The following HDAC9 variants were observed in gnomAD, a reference collection of about 807,000 sequenced individuals.
The protein encoded by HDAC9 is histone deacetylase 9, also known as MEF-2 interacting transcription repressor (MITR) protein.
In HDAC9, 41 loss-of-function variants were observed where a neutral mutation model predicts 139.4. That is an observed-to-expected ratio of 0.29 (90% CI 0.23 to 0.38). The LOEUF (loss-of-function observed/expected upper bound fraction) is 0.38. HDAC9 is among the 10% of genes least tolerant of loss of function. The pLI is 1.00. For synonymous variants in HDAC9, 517 were observed against 476.2 expected, an observed-to-expected ratio of 1.09 and a Z score of -1.12; for missense variants, 1,147 against 1,297.0, an observed-to-expected ratio of 0.88 and a Z score of 1.78.
chr7:18,589,976 C>G (rs531636832), intron 3 of HDAC9, among the ~76,000 whole-genome samples: 1 of 152,060 alleles, frequency 6.6e-6, no homozygotes, highest in South Asian at 2.1e-4. Flanking sequence ...ATGTGAGGGA[C>G]TTTGTAAAAT....
At chr7:18,732,139 T>G (rs1225563475) in intron 13 of HDAC9, among the ~76,000 whole-genome samples, 2 of 152,162 alleles carry the variant, frequency 1.3e-5, no homozygotes, top group South Asian at 4.1e-4. Flanking sequence ...GGATTACAGG[T>G]GTGAGCTACT....
At chr7:18,889,831 A>G (rs1412316481) in intron 22 of HDAC9, among the ~76,000 whole-genome samples, 1 of 152,152 alleles carries the variant, frequency 6.6e-6, no homozygotes, top group Non-Finnish European at 1.5e-5. Flanking sequence ...CTACATAGCT[A>G]GCACTACCGG....
chr7:18,491,020 A>G (rs1457891140), upstream of HDAC9, among the ~76,000 whole-genome samples: 3 of 152,100 alleles, frequency 2.0e-5, no homozygotes, highest in Non-Finnish European at 1.5e-5. Context: ...GCTTGATTAC[A>G]GATGAACTGA....
In HDAC9 at chr7:18,191,076, T is replaced by C. The variant is rs1790322291; in HGVS notation, c.25+28727T>C. 2.0e-5 allele frequency among the ~76,000 whole-genome samples: 3 copies of C among 152,312 alleles called. No individual in the cohort carries two copies. The South Asian group carries it at 6.2e-4, about 32-fold the overall frequency. ...ATCACCACCCCCAGTGGAAAATTCA[T>C]GTGTAACTTTTTGACTCCCTGAGAA... is the stretch of plus-strand genomic sequence containing the variant. On this transcript the variant is annotated intron_variant, in intron 2 of 12. Transcript: ENST00000417496.
intron 14 of HDAC9, among the ~76,000 whole-genome samples, chr7:18,757,209 T>C (rs1186893155): frequency 6.6e-6 from 1 of 152,184 alleles, no homozygotes; most frequent in Non-Finnish European, 1.5e-5. Flanking sequence ...TCTTCATTTT[T>C]TTAACCTTTG....
intron 1 of HDAC9, among the ~76,000 whole-genome samples, chr7:18,451,481 G>C (rs902631684): frequency 2.6e-5 from 4 of 151,190 alleles, no homozygotes; most frequent in African/African-American, 9.7e-5. Context: ...ATATAGGTGA[G>C]TATATTGGAT....
intron 2 of HDAC9, among the ~76,000 whole-genome samples, chr7:18,244,319 A>G (rs1022533289): frequency 1.3e-5 from 2 of 152,340 alleles, no homozygotes; most frequent in African/African-American, 4.8e-5. Flanking sequence ...TGGCAGCTGA[A>G]ATGAAGTGGT....
intron 2 of HDAC9, among the ~76,000 whole-genome samples, chr7:18,269,688 C>T (rs1796228075): frequency 6.6e-6 from 1 of 152,044 alleles, no homozygotes; most frequent in Non-Finnish European, 1.5e-5. Flanking sequence ...TGCCACTGCA[C>T]TTTAGCCTGG....
intron 2 of HDAC9, among the ~76,000 whole-genome samples, chr7:18,217,581 G>C (rs1562759602): frequency 6.6e-6 from 1 of 152,076 alleles, no homozygotes; most frequent in Non-Finnish European, 1.5e-5. Flanking sequence ...ATATGGAGTT[G>C]AACCAACTAA....
At chr7:18,456,736 T>C (rs1264564458) in intron 1 of HDAC9, among the ~76,000 whole-genome samples, 1 of 152,206 alleles carries the variant, frequency 6.6e-6, no homozygotes, top group Non-Finnish European at 1.5e-5. Flanking sequence ...ATAACAATCC[T>C]TACTGTGTAC....
chr7:18,266,648 G>GT lies in HDAC9; in HGVS notation c.25+104305dup, dbSNP rs543447111. Among the ~76,000 whole-genome samples the GT allele has an allele frequency of 2.8e-3, 424 of 152,176 alleles. 2 individuals are homozygous for GT. Among genetic ancestry groups the GT allele is most frequent in the African/African-American group, 9.4e-3 (391 of 41,536 alleles). On this transcript the variant is annotated intron_variant, in intron 2 of 12. Coordinates refer to the HDAC9 transcript ENST00000417496. ...TTAGTAAATAAAATATATGTTGTAG[G>GT]TTTTTTCCTAAAGGTGGGGGTACAG... is the stretch of plus-strand genomic sequence containing the variant.
At chr7:18,494,420 T>G (rs1168161202), upstream of HDAC9, among the ~76,000 whole-genome samples, 1 of 152,050 alleles carries the variant, frequency 6.6e-6, no homozygotes, top group African/African-American at 2.4e-5. Context: ...TTTGAAATAA[T>G]CTGCTTTTTC....
intron 2 of HDAC9, among the ~76,000 whole-genome samples, chr7:18,241,259 G>A (rs916447625): frequency 6.6e-6 from 1 of 152,118 alleles, no homozygotes; most frequent in Admixed American, 6.6e-5. Context: ...AATTCATAAA[G>A]CCTATCTTTT....
chr7:18,970,414 C>G (rs1433601141), intron 24 of HDAC9, among the ~76,000 whole-genome samples: 3 of 152,104 alleles, frequency 2.0e-5, no homozygotes, highest in African/African-American at 4.8e-5. Context: ...TTGAATAGGA[C>G]TATTTTATAG....
intron 1 of HDAC9, among the ~76,000 whole-genome samples, chr7:18,436,215 T>C (rs1019108522): frequency 6.6e-6 from 1 of 152,210 alleles, no homozygotes; most frequent in African/African-American, 2.4e-5. Flanking sequence ...TGATTACTGC[T>C]GAAATCTTAA....
At chr7:18,185,942 A>T (rs1203242057) in intron 2 of HDAC9, among the ~76,000 whole-genome samples, 1 of 152,172 alleles carries the variant, frequency 6.6e-6, no homozygotes, top group Non-Finnish European at 1.5e-5. Context: ...TAAAACTGGG[A>T]TATCACATAT....
At chr7:18,730,425 T>G (rs1382280382) in intron 13 of HDAC9, among the ~76,000 whole-genome samples, 1 of 152,202 alleles carries the variant, frequency 6.6e-6, no homozygotes, top group Admixed American at 6.5e-5. Flanking sequence ...TCTCCTTTCT[T>G]TTGACTTTTT....
Position 18,375,965 on chromosome 7 carries a change from G to T in HDAC9, c.-42+85450G>T, listed in dbSNP as rs535714778. 5.3e-5 allele frequency among the ~76,000 whole-genome samples: 8 copies of T among 152,296 alleles called. No homozygotes were observed. In the South Asian group the frequency reaches 1.7e-3, roughly 32 times the overall value. On this transcript the variant is annotated intron_variant, in intron 1 of 3. Transcript: ENST00000413509. ...ATGAATGTATTGTACAATTTCCATT[G>T]TAATAGTTTTTATATGCAGAATAGG...
At chr7:18,511,521 AG>A (rs1343199632) in intron 2 of HDAC9, among the ~76,000 whole-genome samples, 6 of 152,100 alleles carry the variant, frequency 3.9e-5, no homozygotes, top group Non-Finnish European at 8.8e-5. Flanking sequence ...TGCTTGAGCC[AG>A]GAAGTCAAGG....
Sources: gnomAD v4.1 joint callset for allele counts (sites outside exome capture counted in the v4.1 genomes callset) on GRCh38, gnomAD v4.1.1 for gene constraint, MANE v1.5 for transcripts, NCBI Gene and HGNC (gene_info 2026-07-23, HGNC 2026-07-21) for gene names.